The following ZDHHC2 variants were observed in gnomAD, a reference collection of about 807,000 sequenced individuals.
ZDHHC2 encodes palmitoyltransferase ZDHHC2.
In ZDHHC2, 51 loss-of-function variants were observed where a neutral mutation model predicts 55.6. The ratio of observed to expected loss-of-function variants is 0.92; its 90% CI spans 0.73 to 1.16. The LOEUF is 1.16. Ranked by LOEUF, ZDHHC2 falls within the 50% of genes most tolerant of loss-of-function variation. The probability of loss-of-function intolerance (pLI) is 0.00; values close to 1 mark genes in which losing one functional copy is unlikely to be tolerated. For missense variants in ZDHHC2, 491 were observed against 442.4 expected (o/e 1.11, Z -0.99); for synonymous variants, 199 against 152.9 (o/e 1.30, Z -2.22).
Position 17,156,758 on chromosome 8 carries a change from G to A in ZDHHC2, c.35G>A (p.Arg12Gln), listed in dbSNP as rs758265036. The A allele has an allele frequency of 6.7e-7, 1 of 1,501,690 alleles. No homozygotes were observed. Among genetic ancestry groups the A allele is most frequent in the Non-Finnish European group, 8.9e-7 (1 of 1,123,642 alleles). 93.0% of individuals were successfully genotyped at this position (1,501,690 alleles called of 1,614,324 possible). A position where few individuals can be genotyped will look rare whatever the true frequency, so the allele number is the denominator to read the frequency against. ...APSGPGSSAR[R>Q]RCRRVLYWIP... ...TCGGGCCCGGGCAGCAGCGCCAGGC[G>A]GCGGTGCCGGCGGGTGCTGTACTGG... The change falls in exon 1 of 13, where the codon CGG (arginine) becomes CAG (glutamine). Residue 12 changes from arginine to glutamine, a missense_variant. Coordinates refer to ENST00000262096, the MANE Select transcript of ZDHHC2 (RefSeq NM_016353.5).
chr8:17,216,766 G>T (rs574868696), intron 11 of ZDHHC2, among the ~76,000 whole-genome samples: 264 of 152,180 alleles, frequency 1.7e-3, no homozygotes, highest in African/African-American at 6.1e-3. Context: ...AAAGTGTAAA[G>T]GATGATGTAT....
In ZDHHC2 at chr8:17,186,369, T is replaced by C; in HGVS notation, c.196T>C (p.Phe66Leu). 1 of 1,594,146 alleles carries C rather than the reference T, an allele frequency of 6.3e-7. No individual in the cohort carries two copies. Among genetic ancestry groups the C allele is most frequent in the Non-Finnish European group, 8.5e-7 (1 of 1,173,466 alleles). The change falls in exon 3 of 13, where the codon TTT becomes CTT. Residue 66 changes from phenylalanine to leucine, a missense_variant. Phe to Leu is a conservative substitution (Grantham distance 22). Coordinates refer to ENST00000262096, the MANE Select transcript of ZDHHC2 (RefSeq NM_016353.5). ...LMAYHLLFAM[F>L]VWSYWKTIFT... ...GGCCTATCATCTACTTTTTGCAATG[T>C]TTGTCTGGTCATACTGGAAAACTAT...
In ZDHHC2 at chr8:17,156,849, C is replaced by T. The variant is rs957969609; in HGVS notation, c.126C>T (p.Cys42=). 6.7e-7 allele frequency: 1 copy of T among 1,500,928 alleles called. No homozygotes were observed. The highest frequency in any genetic ancestry group is 2.2e-5 in the Admixed American group (1 of 45,516). 93.0% of individuals were successfully genotyped at this position (1,500,928 alleles called of 1,614,324 possible). ...WSYYAYAIQL[C]IVSMENTGEQ... is the part of the protein sequence containing the mutation. ...ACTACGCCTACGCCATCCAGCTGTG[C>T]ATAGGTGAGTGCGCCCCCCGCCGCG... The change falls in exon 1 of 13, where the codon TGC becomes TGT. Residue 42 remains cysteine, a synonymous_variant. Transcript: ENST00000262096.
chr8:17,190,466 G>T (rs772439633), intron 3 of ZDHHC2, among the ~76,000 whole-genome samples: 3 of 152,068 alleles, frequency 2.0e-5, no homozygotes, highest in Non-Finnish European at 2.9e-5. Context: ...TAATTGATCA[G>T]CTGTTAGAGA....
intron 6 of ZDHHC2, among the ~76,000 whole-genome samples, chr8:17,199,837 G>T (rs1442248576): frequency 6.8e-6 from 1 of 147,030 alleles, no homozygotes; most frequent in African/African-American, 2.5e-5. Flanking sequence ...TCAGCTCACT[G>T]CAACCTCTGC....
intron 7 of ZDHHC2, among the ~76,000 whole-genome samples, chr8:17,206,094 A>C (rs1807091093): frequency 6.6e-6 from 1 of 152,068 alleles, no homozygotes; most frequent in Non-Finnish European, 1.5e-5. Flanking sequence ...ACTATAAACA[A>C]GTGTGCTTTC....
chr8:17,174,736 A>G (rs1481514821), intron 1 of ZDHHC2, among the ~76,000 whole-genome samples: 1 of 104,850 alleles, frequency 9.5e-6, no homozygotes, highest in African/African-American at 3.8e-5. Flanking sequence ...TTTGAGACAT[A>G]GTCTGGCTTT....
At chr8:17,193,028 C>G (rs926778004) in intron 3 of ZDHHC2, among the ~76,000 whole-genome samples, 2 of 152,268 alleles carry the variant, frequency 1.3e-5, no homozygotes, top group South Asian at 2.1e-4. Flanking sequence ...GCTAGTCTTA[C>G]GCCAGTACCG....
intron 2 of ZDHHC2, 47 bp from the exon 3 acceptor site, chr8:17,186,284 G>A: frequency 2.4e-6 from 3 of 1,231,208 alleles, no homozygotes; most frequent in Non-Finnish European, 3.4e-6. Context: ...CATAATTTTA[G>A]TATGTATTTG....
chr8:17,191,442 C>G (rs1420443805), intron 3 of ZDHHC2, among the ~76,000 whole-genome samples: 4 of 152,132 alleles, frequency 2.6e-5, no homozygotes, highest in Non-Finnish European at 5.9e-5. Flanking sequence ...CGTTAACTTT[C>G]CCCACTTATG....
intron 8 of ZDHHC2, among the ~76,000 whole-genome samples, chr8:17,209,377 T>C (rs1286540512): frequency 6.6e-6 from 1 of 152,124 alleles, no homozygotes; most frequent in African/African-American, 2.4e-5. Context: ...CACCTGTTGC[T>C]CCAGGAGGGT....
intron 10 of ZDHHC2, among the ~76,000 whole-genome samples, chr8:17,214,012 T>C (rs2075477047): frequency 6.6e-6 from 1 of 152,198 alleles, no homozygotes; most frequent in Non-Finnish European, 1.5e-5. Context: ...CATACGCATA[T>C]ATCCTTTAAA....
At chr8:17,173,682 A>T (rs1287615665) in intron 1 of ZDHHC2, among the ~76,000 whole-genome samples, 2 of 36,334 alleles carry the variant, frequency 5.5e-5, no homozygotes, top group East Asian at 1.3e-3. Flanking sequence ...ACCCTGTCTT[A>T]AAAAAAAAAA....
At chr8:17,202,011 G>A (rs2959623) in intron 6 of ZDHHC2, among the ~76,000 whole-genome samples, 1 of 151,866 alleles carries the variant, frequency 6.6e-6, no homozygotes, top group Non-Finnish European at 1.5e-5. Context: ...TTTGCTTTAT[G>A]GGATTTTCTA....
intron 1 of ZDHHC2, among the ~76,000 whole-genome samples, chr8:17,176,999 G>C (rs1359538637): frequency 6.6e-6 from 1 of 152,168 alleles, no homozygotes. Flanking sequence ...CATTAAATAA[G>C]GTCTGGAAGG....
At chr8:17,187,026 C>T (rs1254281301) in intron 3 of ZDHHC2, among the ~76,000 whole-genome samples, 1 of 152,210 alleles carries the variant, frequency 6.6e-6, no homozygotes, top group Non-Finnish European at 1.5e-5. Context: ...TCCTCCTCTT[C>T]AAGAACACTT....
chr8:17,202,734 TACAC>T (rs61412744), intron 6 of ZDHHC2, among the ~76,000 whole-genome samples: 2,530 of 149,698 alleles, frequency 0.017, 69 homozygotes, highest in African/African-American at 0.058. Context: ...TATATATATA[TACAC>T]ACACACACAC....
chr8:17,204,074 G>A (rs1423759859), intron 6 of ZDHHC2, among the ~76,000 whole-genome samples: 1 of 152,158 alleles, frequency 6.6e-6, no homozygotes, highest in Non-Finnish European at 1.5e-5. Flanking sequence ...CCAAAGTGCT[G>A]GGATTACAGG....
rs540957683 is a variant in ZDHHC2 at position 17,180,209 on chromosome 8, T to C, written c.131-4580T>C. Among the ~76,000 whole-genome samples, 4 of 152,336 alleles carry C rather than the reference T, an allele frequency of 2.6e-5. No homozygotes were observed. The South Asian group carries it at 8.3e-4, about 32-fold the overall frequency. On this transcript the variant is annotated intron_variant, in intron 1 of 12. Transcript: ENST00000262096. The stretch of plus-strand genomic sequence containing the variant: ...TTTATTCATTAAGTTAAACAGTGCC[T>C]ATCCAAAATAGATTCTTTCACATTT...
Sources: gnomAD v4.1 joint callset for allele counts (sites outside exome capture counted in the v4.1 genomes callset) on GRCh38, gnomAD v4.1.1 for gene constraint, MANE v1.5 for transcripts, NCBI Gene and HGNC (gene_info 2026-07-23, HGNC 2026-07-21) for gene names.